Variants in ANGPT4 observed in about 807,000 individuals in gnomAD.
ANGPT4 encodes angiopoietin 4, also known as angiopoietin-4.
A neutral mutation model predicts 53.0 loss-of-function variants in ANGPT4; 50 were observed. The observed-to-expected ratio is 0.94, with a 90% confidence interval of 0.75 to 1.20. The LOEUF is 1.20. Ranked by LOEUF, ANGPT4 falls within the 50% of genes most tolerant of loss-of-function variation. The probability of loss-of-function intolerance (pLI) is 0.00; values close to 1 mark genes in which losing one functional copy is unlikely to be tolerated. For missense variants in ANGPT4, 648 were observed against 637.1 expected (o/e 1.02, Z -0.18); for synonymous variants, 251 against 259.7 (o/e 0.97, Z 0.32).
chr20:902,201 T>C (rs1982311909), intron 1 of ANGPT4, among the ~76,000 whole-genome samples: 1 of 152,160 alleles, frequency 6.6e-6, no homozygotes, highest in African/African-American at 2.4e-5. Context: ...GTTTGGATTT[T>C]AAAAGTAGAA....
At chr20:903,881 A>AG (rs1202521754) in intron 1 of ANGPT4, among the ~76,000 whole-genome samples, 1 of 152,116 alleles carries the variant, frequency 6.6e-6, no homozygotes, top group Non-Finnish European at 1.5e-5. Flanking sequence ...AGACTTAGTG[A>AG]GGGGGAGACC....
At chr20:875,034 T>C (rs1003737779) in intron 7 of ANGPT4, among the ~76,000 whole-genome samples, 3 of 140,266 alleles carry the variant, frequency 2.1e-5, no homozygotes, top group African/African-American at 7.7e-5. Context: ...TTCTTTTTCT[T>C]TCTTTTTTTT....
intron 1 of ANGPT4, among the ~76,000 whole-genome samples, chr20:891,341 C>T (rs542130345): frequency 4.6e-5 from 7 of 152,230 alleles, no homozygotes; most frequent in Non-Finnish European, 8.8e-5. Context: ...TCCAAGGGTT[C>T]TCCCAGCTCT....
At chr20:885,473 A>G (rs2122785327) in intron 3 of ANGPT4, 148 bp from the exon 4 acceptor site, 1 of 1,218,854 alleles carries the variant, frequency 8.2e-7, no homozygotes, top group African/African-American at 1.6e-5. Flanking sequence ...GCACAGATTG[A>G]GGAGGGGAGA....
At chr20:891,759 C>T (rs1476313491) in intron 1 of ANGPT4, among the ~76,000 whole-genome samples, 2 of 152,250 alleles carry the variant, frequency 1.3e-5, no homozygotes, top group African/African-American at 2.4e-5. Context: ...ATCCCTTCCT[C>T]ACCCTGGAGT....
chr20:897,909 C>T (rs962547081), intron 1 of ANGPT4, among the ~76,000 whole-genome samples: 8 of 152,280 alleles, frequency 5.3e-5, no homozygotes, highest in African/African-American at 1.9e-4. Context: ...AGTACAAACT[C>T]GACAATTGTT....
chr20:914,629 C>G lies in ANGPT4; in HGVS notation c.309+1277G>C, dbSNP rs1438970963. Reference sequence around the variant, plus strand: ...TGTCAAGCTTGTCTGCTGTTTAATACCTTCTAAAACTCCAGGAATTAGTTC... The same window carrying G: ...TGTCAAGCTTGTCTGCTGTTTAATAGCTTCTAAAACTCCAGGAATTAGTTC... On this transcript the variant is annotated intron_variant, in intron 1 of 8. Coordinates refer to ENST00000381922, the MANE Select transcript of ANGPT4 (RefSeq NM_015985.4). The surrounding 1 kb of genome is among the most constrained non-coding windows in gnomAD (Gnocchi z 5.0). Among the ~76,000 whole-genome samples the G allele has an allele frequency of 6.6e-6, 1 of 152,064 alleles. No individual in the cohort carries two copies. Among genetic ancestry groups the G allele is most frequent in the Non-Finnish European group, 1.5e-5 (1 of 68,004 alleles).
chr20:891,520 T>C (rs912248378), intron 1 of ANGPT4, among the ~76,000 whole-genome samples: 1 of 152,180 alleles, frequency 6.6e-6, no homozygotes, highest in Non-Finnish European at 1.5e-5. Context: ...CCTCCACCAT[T>C]GCCTCTCCAT....
intron 1 of ANGPT4, among the ~76,000 whole-genome samples, chr20:902,927 G>C (rs1023427733): frequency 2.6e-5 from 4 of 152,134 alleles, no homozygotes; most frequent in Non-Finnish European, 2.9e-5. Flanking sequence ...TTATAGATGG[G>C]CAAATGGAGG....
At position 916,036 on chromosome 20, in the gene ANGPT4, T is replaced by C; in HGVS notation, c.179A>G (p.Glu60Gly). The C allele has an allele frequency of 6.2e-7, 1 of 1,614,148 alleles. No homozygotes were observed. The highest frequency in any genetic ancestry group is 8.5e-7 in the Non-Finnish European group (1 of 1,179,994). ...PKSEPCPPGPEVSRDSNTLQR... is the reference protein window; with the variant it reads ...PKSEPCPPGPGVSRDSNTLQR... ...GAGGGTGTTGGAGTCCCTGGAGACC[T>C]CAGGCCCCGGAGGGCAGGGCTCAGA... is the stretch of plus-strand genomic sequence containing the variant. The change falls in exon 1 of 9, where the codon GAG becomes GGG. Residue 60 changes from glutamate to glycine, a missense_variant. Physicochemically the swap from Glu to Gly is moderately conservative, Grantham distance 98 (BLOSUM62 -2). Coordinates refer to ENST00000381922, the MANE Select transcript of ANGPT4 (RefSeq NM_015985.4).
chr20:872,808 C>T lies in ANGPT4; in HGVS notation c.*152G>A. 1 of 944,620 alleles carries T rather than the reference C, an allele frequency of 1.1e-6. No individual in the cohort carries two copies. The allele number at this position is 944,620 out of a possible 1,614,324, so 58.5% of individuals were successfully genotyped here. ...GAGGGGAGTTGGGGGGCAGATGACC[C>T]TTCTGGACTTCTGGGTCAAGGAGGG... On this transcript the variant is annotated 3_prime_UTR_variant, in exon 9 of 9. Transcript: ENST00000381922.
At chr20:909,893 C>T (rs1353734846) in intron 1 of ANGPT4, among the ~76,000 whole-genome samples, 1 of 152,210 alleles carries the variant, frequency 6.6e-6, no homozygotes, top group Non-Finnish European at 1.5e-5. Context: ...AGAACGGCCA[C>T]AGCTGCCTGA....
At chr20:893,073 T>G (rs1236375284) in intron 1 of ANGPT4, among the ~76,000 whole-genome samples, 1 of 152,222 alleles carries the variant, frequency 6.6e-6, no homozygotes, top group Non-Finnish European at 1.5e-5. Context: ...CTTGTCTCTA[T>G]GTACATTCAC....
chr20:900,323 G>A (rs368638160), intron 1 of ANGPT4, among the ~76,000 whole-genome samples: 1 of 152,138 alleles, frequency 6.6e-6, no homozygotes, highest in East Asian at 1.9e-4. Flanking sequence ...CCTCTAGGAA[G>A]TTACCCCATC....
intron 4 of ANGPT4, among the ~76,000 whole-genome samples, chr20:883,699 G>A (rs1168659373): frequency 6.6e-6 from 1 of 152,206 alleles, no homozygotes; most frequent in Non-Finnish European, 1.5e-5. Flanking sequence ...CTACTCAGAC[G>A]ATTGAGCAGA....
At position 872,785 on chromosome 20, in the gene ANGPT4, G is replaced by A; in HGVS notation, c.*175C>T. On this transcript the variant is annotated 3_prime_UTR_variant, in exon 9 of 9. Transcript: ENST00000381922. ...GAACACCCTCCATGTCACAGACGGA[G>A]GGGAGTTGGGGGGCAGATGACCCTT... The A allele has an allele frequency of 1.4e-6, 1 of 708,712 alleles. No individual in the cohort carries two copies. The highest frequency in any genetic ancestry group is 2.3e-6 in the Non-Finnish European group (1 of 430,334). The allele number at this position is 708,712 out of a possible 1,614,324, so 43.9% of individuals were successfully genotyped here.
intron 4 of ANGPT4, among the ~76,000 whole-genome samples, chr20:882,671 A>C (rs953456787): frequency 2.6e-5 from 4 of 152,216 alleles, no homozygotes; most frequent in Admixed American, 1.3e-4. Flanking sequence ...TGTTGGCCTC[A>C]AGGTGAGCAG....
rs1980877287 is a variant in ANGPT4 at position 869,932 on chromosome 20, A to G, written c.*3028T>C. 6.6e-6 allele frequency: 1 copy of G among 152,314 alleles called. No homozygotes were observed. 9.4% of individuals were successfully genotyped at this position (152,314 alleles called of 1,614,324 possible). The stretch of plus-strand genomic sequence containing the variant: ...AGAAAATCATTCCTTTACTGGAATC[A>G]TGGAGACGAGGGAGCTCCCCGGGTC... On this transcript the variant is annotated 3_prime_UTR_variant, in exon 9 of 9. Transcript: ENST00000381922.
chr20:885,223 C>A lies in ANGPT4; in HGVS notation c.690G>T (p.Gln230His). Residue 230 changes from glutamine to histidine, a missense_variant, in exon 4 of 9, where the codon CAG becomes CAT. Gln to His is a conservative substitution (Grantham distance 24, BLOSUM62 0). Coordinates refer to ENST00000381922, the MANE Select transcript of ANGPT4 (RefSeq NM_015985.4). ...KAKLLNTLSR[Q>H]SAALTNIERG... ...GCTCGATGTTGGTGAGGGCGGCGCT[C>A]TGGCGGCTCAGCGTGTTCAGCAGCT... 6.3e-7 allele frequency: 1 copy of A among 1,590,592 alleles called. No individual in the cohort carries two copies. The highest frequency in any genetic ancestry group is 1.1e-5 in the South Asian group (1 of 88,162).
Sources: gnomAD v4.1 joint callset for allele counts (sites outside exome capture counted in the v4.1 genomes callset) on GRCh38, gnomAD v4.1.1 for gene constraint, Gnocchi (gnomAD v3.1) non-coding constraint, MANE v1.5 for transcripts, NCBI Gene and HGNC (gene_info 2026-07-23, HGNC 2026-07-21) for gene names.